Variants in ZFY observed in about 807,000 individuals in gnomAD.
ZFY encodes the protein zinc finger protein Y-linked.
For synonymous variants in ZFY, 47 were observed against 55.8 expected (o/e 0.84, Z 0.71); for missense variants, 113 against 170.9 (o/e 0.66, Z 1.89).
At position 2,961,476 on chromosome Y, in the gene ZFY, A is replaced by G; in HGVS notation, c.464A>G (p.Asp155Gly). 1 of 399,205 alleles carries G rather than the reference A, an allele frequency of 2.5e-6. No individual in the cohort carries two copies. The highest frequency in any genetic ancestry group is 3.5e-6 in the Non-Finnish European group (1 of 283,737). ...GGACATGTTGAACATATGGTGCATG[A>G]TAGTGTAGTGGAAGCAGAAATCATT... ...DIGHVEHMVH[D>G]SVVEAEIITD... Residue 155 changes from aspartate (D) to glycine (G), a missense_variant, in exon 3 of 8, where the codon GAT becomes GGT. Asp to Gly is a moderately conservative substitution (Grantham distance 94). Transcript: ENST00000155093.
chrY:2,940,630 G>A, intron 1 of ZFY, among the ~76,000 whole-genome samples: 1 of 33,210 alleles, frequency 3.0e-5, no homozygotes, highest in Admixed American at 2.8e-4. Flanking sequence ...CCCCAGACTG[G>A]TTTCCTTGTA....
intron 3 of ZFY, among the ~76,000 whole-genome samples, chrY:2,970,608 G>A: frequency 3.0e-5 from 1 of 33,704 alleles, no homozygotes; most frequent in Non-Finnish European, 7.4e-5. Context: ...TTTTTCTGAG[G>A]AAAACAAAGA....
rs899755699 is a variant in ZFY, at chrY:2,947,472, C to T, written c.-28-6437C>T. Among the ~76,000 whole-genome samples the T allele has an allele frequency of 2.4e-4, 8 of 33,835 alleles. No homozygotes were observed. In the East Asian group the frequency reaches 5.3e-3, roughly 22 times the overall value. 90.8% of individuals were successfully genotyped at this position (33,835 alleles called of 37,273 possible). A position where few individuals can be genotyped will look rare whatever the true frequency, so the allele number is the denominator to read the frequency against. ...TTCTCCTTTGGAAAAAAATAGCTTC[C>T]GAGCTTACAGTTGTGTTTTTCTTTC... On this transcript the variant is annotated intron_variant, in intron 1 of 7. Coordinates refer to ENST00000155093, the MANE Select transcript of ZFY (RefSeq NM_003411.4).
intron 1 of ZFY, among the ~76,000 whole-genome samples, chrY:2,939,891 G>C: frequency 3.1e-5 from 1 of 32,709 alleles, no homozygotes; most frequent in African/African-American, 1.2e-4. Context: ...TTAATCTGTT[G>C]TATTCTAAAT....
Position 2,982,443 on chromosome Y carries a change from T to TCACA in ZFY, c.*2450_*2451insCACA. On this transcript the variant is annotated 3_prime_UTR_variant, in exon 8 of 8. Coordinates refer to ENST00000155093, the MANE Select transcript of ZFY (RefSeq NM_003411.4). The stretch of plus-strand genomic sequence containing the variant: ...GAAGTGTGATACTATTGTAAATGTG[T>TCACA]ATTTGAGAATATGCAAAAATAAAAA... 1 of 33,926 alleles carries TCACA rather than the reference T, an allele frequency of 2.9e-5. No individual in the cohort carries two copies. Among genetic ancestry groups the TCACA allele is most frequent in the East Asian group, 7.5e-4 (1 of 1,339 alleles). 8.5% of individuals were successfully genotyped at this position (33,926 alleles called of 400,897 possible). A position where few individuals can be genotyped will look rare whatever the true frequency, so the allele number is the denominator to read the frequency against.
chrY:2,941,962 G>A (rs538965373), intron 1 of ZFY, among the ~76,000 whole-genome samples: 2,438 of 30,767 alleles, frequency 0.079, no homozygotes, highest in East Asian at 0.059. Context: ...GTGTGTGTGT[G>A]TATATCTCTG....
intron 1 of ZFY, among the ~76,000 whole-genome samples, chrY:2,950,387 G>A: frequency 3.0e-5 from 1 of 32,992 alleles, no homozygotes; most frequent in Admixed American, 2.8e-4. Flanking sequence ...GGATCATTCT[G>A]CTTATTTGTC....
chrY:2,979,840 C>T lies in ZFY; in HGVS notation c.2253C>T (p.Ser751=). ...ATCAGTGTGAGTACTGTGAGTATAG[C>T]ACTACAGATGCCTCAGGCTTTAAAC... ...KVYQCEYCEY[S]TTDASGFKRH... is the part of the protein sequence containing the mutation. Residue 751 remains serine, a synonymous_variant, in exon 8 of 8, where the codon AGC becomes AGT. Coordinates refer to ENST00000155093, the MANE Select transcript of ZFY (RefSeq NM_003411.4). 2.5e-6 allele frequency: 1 copy of T among 399,114 alleles called. No individual in the cohort carries two copies.
In ZFY at chrY:2,981,390, G is replaced by C; in HGVS notation, c.*1397G>C. On this transcript the variant is annotated 3_prime_UTR_variant, in exon 8 of 8. Coordinates refer to ENST00000155093, the MANE Select transcript of ZFY (RefSeq NM_003411.4). The stretch of plus-strand genomic sequence containing the variant: ...GTTAATAAGTTAATGTTATTAAGCA[G>C]TTAATAATTTATATGTATGGATATA... 1 of 33,450 alleles carries C rather than the reference G, an allele frequency of 3.0e-5. No homozygotes were observed. The highest frequency in any genetic ancestry group is 7.5e-4 in the East Asian group (1 of 1,332). The allele number at this position is 33,450 out of a possible 400,897, so 8.3% of individuals were successfully genotyped here. A position where few individuals can be genotyped will look rare whatever the true frequency, so the allele number is the denominator to read the frequency against.
chrY:2,948,424 A>G, intron 1 of ZFY, among the ~76,000 whole-genome samples: 2 of 34,143 alleles, frequency 5.9e-5, no homozygotes, highest in African/African-American at 1.1e-4. Flanking sequence ...TAAAACAAAC[A>G]TGGATACAAG....
intron 1 of ZFY, among the ~76,000 whole-genome samples, chrY:2,938,698 C>T: frequency 3.4e-5 from 1 of 29,649 alleles, no homozygotes; most frequent in Non-Finnish European, 8.0e-5. Context: ...CTGCCTCAGC[C>T]TTCCAAGTAG....
At chrY:2,960,732 A>C in intron 2 of ZFY, among the ~76,000 whole-genome samples, 1 of 32,872 alleles carries the variant, frequency 3.0e-5, no homozygotes, top group East Asian at 7.8e-4. Flanking sequence ...TGGGGTGAGA[A>C]ATTTTTTATC....
intron 1 of ZFY, among the ~76,000 whole-genome samples, chrY:2,942,556 C>T: frequency 7.2e-5 from 2 of 27,891 alleles, no homozygotes; most frequent in Admixed American, 3.5e-4. Flanking sequence ...GTGCACACCA[C>T]CATTCCTGCG....
At chrY:2,945,834 A>C in intron 1 of ZFY, among the ~76,000 whole-genome samples, 1 of 33,126 alleles carries the variant, frequency 3.0e-5, no homozygotes, top group Non-Finnish European at 7.5e-5. Flanking sequence ...TTGTTTTCAA[A>C]TGTATGTATT....
At chrY:2,939,022 T>TATATAA (rs2051232036) in intron 1 of ZFY, among the ~76,000 whole-genome samples, 1 of 16,749 alleles carries the variant, frequency 6.0e-5, no homozygotes, top group Non-Finnish European at 1.4e-4. Flanking sequence ...TATATATATA[T>TATATAA]AAATAAATAA....
chrY:2,946,253 A>G, intron 1 of ZFY, among the ~76,000 whole-genome samples: 1 of 32,922 alleles, frequency 3.0e-5, no homozygotes, highest in Admixed American at 2.8e-4. Context: ...GCTGGCCACA[A>G]GGAGGATTTT....
intron 1 of ZFY, among the ~76,000 whole-genome samples, chrY:2,939,423 A>T: frequency 3.0e-5 from 1 of 32,956 alleles, no homozygotes; most frequent in Non-Finnish European, 7.4e-5. Context: ...TAAATCTGGT[A>T]TTACTCAACG....
At chrY:2,946,836 T>TAA (rs2051263413) in intron 1 of ZFY, among the ~76,000 whole-genome samples, 3 of 22,684 alleles carry the variant, frequency 1.3e-4, no homozygotes, top group African/African-American at 5.8e-4. Context: ...CCATCTCTAC[T>TAA]AAAAAAAAAA....
chrY:2,970,570 A>AT (rs2051344977), intron 3 of ZFY, among the ~76,000 whole-genome samples: 2 of 33,506 alleles, frequency 6.0e-5, no homozygotes, highest in African/African-American at 2.3e-4. Context: ...CCAACATCCA[A>AT]TTTTTTTTGT....
Sources: gnomAD v4.1 joint callset for allele counts (sites outside exome capture counted in the v4.1 genomes callset) on GRCh38, gnomAD v4.1.1 for gene constraint, MANE v1.5 for transcripts, NCBI Gene and HGNC (gene_info 2026-07-23, HGNC 2026-07-21) for gene names.